Variants in CSMD2 observed in about 807,000 individuals in gnomAD.
CSMD2 encodes CUB and Sushi multiple domains 2.
In CSMD2, 130 loss-of-function variants were observed where a neutral mutation model predicts 398.5. That is an observed-to-expected ratio of 0.33 (90% CI 0.28 to 0.38). The LOEUF (loss-of-function observed/expected upper bound fraction) is 0.38. Ranked by LOEUF, CSMD2 falls within the 10% of genes least tolerant of loss-of-function variation. CSMD2 has a pLI of 1.00. For synonymous variants in CSMD2, 1,828 were observed against 1,908.5 expected, an observed-to-expected ratio of 0.96 and a Z score of 1.10; for missense variants, 3,829 against 4,764.9, an observed-to-expected ratio of 0.80 and a Z score of 5.78.
At position 33,519,092 on chromosome 1, in the gene CSMD2, G is replaced by C. The variant is rs1346647653; in HGVS notation, c.*53+373C>G. On this transcript the variant is annotated intron_variant, in intron 70 of 70. Coordinates refer to ENST00000373381, the MANE Select transcript of CSMD2 (RefSeq NM_001281956.2). This position sits in a 1 kb window ranked among gnomAD's most constrained non-coding sequence, Gnocchi z 5.6. ...TGTTTCTCTAGAGAGAAACAGACTAGTACATGCCGATGTTCTGCCAAGCCC... is the reference window on the plus strand; with the variant it reads ...TGTTTCTCTAGAGAGAAACAGACTACTACATGCCGATGTTCTGCCAAGCCC... 6.6e-6 allele frequency among the ~76,000 whole-genome samples: 1 copy of C among 152,122 alleles called. No individual in the cohort carries two copies. Among genetic ancestry groups the C allele is most frequent in the Non-Finnish European group, 1.5e-5 (1 of 68,018 alleles).
At chr1:34,126,041 G>A (rs1662707026) in intron 1 of CSMD2, among the ~76,000 whole-genome samples, 1 of 152,300 alleles carries the variant, frequency 6.6e-6, no homozygotes, top group Middle Eastern at 3.4e-3. Flanking sequence ...CATCACTGCA[G>A]GGCATGGGAA....
At chr1:34,132,809 C>T (rs1184178865) in intron 1 of CSMD2, among the ~76,000 whole-genome samples, 1 of 152,200 alleles carries the variant, frequency 6.6e-6, no homozygotes, top group Non-Finnish European at 1.5e-5. Flanking sequence ...TCCCACATCC[C>T]TTTCCTCAGG....
At chr1:34,130,627 G>A (rs1217986474) in intron 1 of CSMD2, among the ~76,000 whole-genome samples, 2 of 152,100 alleles carry the variant, frequency 1.3e-5, no homozygotes, top group Non-Finnish European at 2.9e-5. Flanking sequence ...AACCACAGGT[G>A]AGAACAGGGG....
intron 13 of CSMD2, among the ~76,000 whole-genome samples, chr1:33,761,310 C>T (rs1649786690): frequency 6.6e-6 from 1 of 152,204 alleles, no homozygotes; most frequent in Admixed American, 6.5e-5. Context: ...TGAGATCCCA[C>T]AGCTGCCTGC....
intron 56 of CSMD2, among the ~76,000 whole-genome samples, chr1:33,548,498 G>C (rs1657121449): frequency 6.6e-6 from 1 of 152,196 alleles, no homozygotes; most frequent in South Asian, 2.1e-4. Flanking sequence ...GGACTTAAGA[G>C]GTTTTGTTGT....
intron 49 of CSMD2, 54 bp downstream of exon 49, chr1:33,577,242 A>G: frequency 4.4e-5 from 67 of 1,505,960 alleles, no homozygotes; most frequent in Non-Finnish European, 5.9e-5. Flanking sequence ...GACAAACCCA[A>G]GATATGAGTT....
In CSMD2 at chr1:33,995,243, C is replaced by T. The variant is rs564246355; in HGVS notation, c.517+37351G>A. Among the ~76,000 whole-genome samples the T allele has an allele frequency of 5.3e-5, 8 of 152,248 alleles. No individual in the cohort carries two copies. The South Asian group carries it at 8.3e-4, about 16-fold the overall frequency. On this transcript the variant is annotated intron_variant, in intron 3 of 70. Transcript: ENST00000373381. ...GACTCCAACGAAGTCCACACTTGGA[C>T]GACTCTGCTGTCTTCGCTTCTCACA...
At chr1:34,064,605 G>C (rs1654902857) in intron 2 of CSMD2, among the ~76,000 whole-genome samples, 1 of 152,068 alleles carries the variant, frequency 6.6e-6, no homozygotes, top group South Asian at 2.1e-4. Context: ...CCTCTAGGAG[G>C]TTCCAAAGTT....
chr1:33,546,084 G>C lies in CSMD2; in HGVS notation c.9053C>G (p.Thr3018Ser), dbSNP rs759492938. The change falls in exon 57 of 71, where the codon ACC (threonine) becomes AGC (serine). Residue 3018 changes from threonine to serine, a missense_variant. Coordinates refer to ENST00000373381, the MANE Select transcript of CSMD2 (RefSeq NM_001281956.2). ...GCTCCACGAGCCATTGGCTTGACAG[G>C]TGCGCTCTGACGATCCCCGGAGCAC... ...GHVLRGSSER[T>S]CQANGSWSGS... 6 of 1,614,014 alleles carry C rather than the reference G, an allele frequency of 3.7e-6. No individual in the cohort carries two copies. The highest frequency in any genetic ancestry group is 5.1e-6 in the Non-Finnish European group (6 of 1,180,034).
At chr1:34,006,994 T>G (rs987059115) in intron 3 of CSMD2, among the ~76,000 whole-genome samples, 2 of 152,154 alleles carry the variant, frequency 1.3e-5, no homozygotes, top group Admixed American at 6.5e-5. Flanking sequence ...GCTAGCTCAC[T>G]GCCTCTGGAG....
intron 5 of CSMD2, among the ~76,000 whole-genome samples, chr1:33,904,331 G>C (rs1422419774): frequency 6.6e-6 from 1 of 152,170 alleles, no homozygotes; most frequent in African/African-American, 2.4e-5. Context: ...GATTATGAGT[G>C]GGGAGGGGAT....
rs1013835157 is a variant in CSMD2 at position 33,559,697 on chromosome 1, T to C, written c.8381-224A>G. 6.6e-6 allele frequency among the ~76,000 whole-genome samples: 1 copy of C among 152,170 alleles called. No individual in the cohort carries two copies. The highest frequency in any genetic ancestry group is 2.4e-5 in the African/African-American group (1 of 41,458). On this transcript the variant is annotated intron_variant, in intron 53 of 70. Coordinates refer to ENST00000373381, the MANE Select transcript of CSMD2 (RefSeq NM_001281956.2). The surrounding 1 kb of genome is among the most constrained non-coding windows in gnomAD (Gnocchi z 4.0). Reference sequence around the variant, plus strand: ...TTGGACAACTTGAGATCAATCATTCTATGACTTCCCATAGGGTGTTAGGAC... The same window carrying C: ...TTGGACAACTTGAGATCAATCATTCCATGACTTCCCATAGGGTGTTAGGAC...
At chr1:34,075,253 G>C (rs1349787340) in intron 2 of CSMD2, among the ~76,000 whole-genome samples, 1 of 152,142 alleles carries the variant, frequency 6.6e-6, no homozygotes, top group African/African-American at 2.4e-5. Flanking sequence ...CATCCCCATG[G>C]GTCCTCCCAG....
intron 3 of CSMD2, among the ~76,000 whole-genome samples, chr1:34,002,065 A>C (rs1646922063): frequency 6.6e-6 from 1 of 152,160 alleles, no homozygotes; most frequent in South Asian, 2.1e-4. Flanking sequence ...TTTAAGTAAA[A>C]TTTTGAAAAG....
chr1:33,618,864 C>T (rs914022657), intron 37 of CSMD2, among the ~76,000 whole-genome samples: 3 of 152,038 alleles, frequency 2.0e-5, no homozygotes, highest in South Asian at 2.1e-4. Context: ...GACCCCAGGT[C>T]GGCCAAGCAG....
chr1:33,861,549 T>C (rs967925572), intron 5 of CSMD2, among the ~76,000 whole-genome samples: 1 of 152,220 alleles, frequency 6.6e-6, no homozygotes, highest in Non-Finnish European at 1.5e-5. Flanking sequence ...ATGCTTGCTC[T>C]AGGCTGTGTG....
rs79451665 is a variant in CSMD2 at position 33,847,011 on chromosome 1, A to C, written c.921-15T>G. On this transcript the variant is annotated splice_polypyrimidine_tract_variant and intron_variant, in intron 5 of 70. Coordinates refer to ENST00000373381, the MANE Select transcript of CSMD2 (RefSeq NM_001281956.2). ...CTCCGGTGAACCTGTGGGAACAGGA[A>C]GCAGATGGGCTCAGGGACCAGAGCT... is the stretch of plus-strand genomic sequence containing the variant. The C allele has an allele frequency of 3.8e-6, 6 of 1,579,074 alleles. No homozygotes were observed. The East Asian group carries it at 1.4e-4, about 36-fold the overall frequency.
intron 5 of CSMD2, among the ~76,000 whole-genome samples, chr1:33,893,692 A>G (rs1243429354): frequency 2.0e-5 from 3 of 152,220 alleles, no homozygotes; most frequent in Non-Finnish European, 2.9e-5. Flanking sequence ...AGAAACATAC[A>G]AACTTTCCAA....
chr1:34,032,742 C>T (rs1004633396), intron 2 of CSMD2, 36 bp from the exon 3 acceptor site: 1 of 1,450,074 alleles, frequency 6.9e-7, no homozygotes, highest in Non-Finnish European at 9.5e-7. Flanking sequence ...GAGAATGACC[C>T]CCTTGGGAAA....
Sources: allele counts gnomAD v4.1 joint callset (sites outside exome capture counted in the v4.1 genomes callset), GRCh38; gene constraint gnomAD v4.1.1; non-coding constraint Gnocchi (gnomAD v3.1); transcripts MANE v1.5; gene names NCBI Gene and HGNC (gene_info 2026-07-23, HGNC 2026-07-21).